The following SMARCC1 variants were observed in gnomAD, a reference collection of about 807,000 sequenced individuals.
The protein encoded by SMARCC1 is SWI/SNF related BAF chromatin remodeling complex subunit C1.
A neutral mutation model predicts 147.4 loss-of-function variants in SMARCC1; 43 were observed. The ratio of observed to expected loss-of-function variants is 0.29; its 90% CI spans 0.23 to 0.38. The LOEUF (loss-of-function observed/expected upper bound fraction) is 0.38. SMARCC1 is among the 10% of genes least tolerant of loss of function. The pLI is 1.00. For synonymous variants in SMARCC1, 495 were observed against 484.4 expected, an observed-to-expected ratio of 1.02 and a Z score of -0.29; for missense variants, 1,119 against 1,381.1, an observed-to-expected ratio of 0.81 and a Z score of 3.01.
intron 13 of SMARCC1, among the ~76,000 whole-genome samples, chr3:47,687,814 G>A (rs989159699): frequency 6.6e-6 from 1 of 152,206 alleles, no homozygotes; most frequent in Non-Finnish European, 1.5e-5. Flanking sequence ...CCAGGCTAGA[G>A]CACAGTGGCA....
chr3:47,635,431 G>T, intron 23 of SMARCC1, 87 bp from the exon 24 acceptor site: 2 of 1,124,760 alleles, frequency 1.8e-6, no homozygotes, highest in East Asian at 2.3e-5. Flanking sequence ...AACAAACTAG[G>T]ACTGATATGA....
At chr3:47,627,393 C>A (rs2032824906) in intron 24 of SMARCC1, among the ~76,000 whole-genome samples, 1 of 151,886 alleles carries the variant, frequency 6.6e-6, no homozygotes, top group Admixed American at 6.6e-5. Context: ...TGGAAAAATT[C>A]TTTTTCTATT....
At chr3:47,771,384 GAT>G (rs2034912633) in intron 2 of SMARCC1, among the ~76,000 whole-genome samples, 1 of 152,172 alleles carries the variant, frequency 6.6e-6, no homozygotes, top group Admixed American at 6.6e-5. Context: ...TATGAGGAAA[GAT>G]ATGACAGACA....
intron 3 of SMARCC1, 65 bp from the exon 4 acceptor site, chr3:47,738,175 T>C (rs897355443): frequency 1.8e-6 from 2 of 1,086,266 alleles, no homozygotes; most frequent in Non-Finnish European, 2.7e-6. Context: ...AAACTTGGTT[T>C]TAGAATTCGA....
At chr3:47,774,236 CTTTTT>C (rs35831016) in intron 1 of SMARCC1, among the ~76,000 whole-genome samples, 2 of 113,412 alleles carry the variant, frequency 1.8e-5, no homozygotes, top group African/African-American at 3.6e-5. Flanking sequence ...CAATCATTTA[CTTTTT>C]TTTTTTTTTT....
chr3:47,691,309 A>G (rs1377269808), intron 12 of SMARCC1, among the ~76,000 whole-genome samples: 1 of 152,196 alleles, frequency 6.6e-6, no homozygotes, highest in African/African-American at 2.4e-5. Flanking sequence ...GGCAGAATAT[A>G]GAGCAGTTAA....
rs139009345 is a variant in SMARCC1, at chr3:47,748,026, C to T, written c.316-2033G>A. 8.7e-3 allele frequency among the ~76,000 whole-genome samples: 1,329 copies of T among 151,960 alleles called. 22 individuals are homozygous for T. The highest frequency in any genetic ancestry group is 0.029 in the African/African-American group (1,187 of 41,488). ...TACAAAAATTAGCCAGGCATGGTGG[C>T]GGGCGCATGTAATCCCAGCTACTCG... On this transcript the variant is annotated intron_variant, in intron 2 of 27. Coordinates refer to ENST00000254480, the MANE Select transcript of SMARCC1 (RefSeq NM_003074.4).
Position 47,586,364 on chromosome 3 carries a change from G to A in SMARCC1, c.*1845C>T, listed in dbSNP as rs1012948547. ...GGAAGTAGGTAAAACCCTGGCCATT[G>A]TCAAAAGGCACTGGGGTCTTTCTGG... is the stretch of plus-strand genomic sequence containing the variant. On this transcript the variant is annotated 3_prime_UTR_variant, in exon 28 of 28. Coordinates refer to ENST00000254480, the MANE Select transcript of SMARCC1 (RefSeq NM_003074.4). 1 of 152,210 alleles carries A rather than the reference G, an allele frequency of 6.6e-6. No homozygotes were observed. The highest frequency in any genetic ancestry group is 1.5e-5 in the Non-Finnish European group (1 of 68,030). The allele number at this position is 152,210 out of a possible 1,614,324, so 9.4% of individuals were successfully genotyped here. A position where few individuals can be genotyped will look rare whatever the true frequency, so the allele number is the denominator to read the frequency against.
In SMARCC1 at chr3:47,587,069, G is replaced by C. The variant is rs867751167; in HGVS notation, c.*1140C>G. 6.6e-6 allele frequency: 1 copy of C among 152,544 alleles called. No individual in the cohort carries two copies. Among genetic ancestry groups the C allele is most frequent in the Admixed American group, 6.5e-5 (1 of 15,276 alleles). 9.4% of individuals were successfully genotyped at this position (152,544 alleles called of 1,614,324 possible). A position where few individuals can be genotyped will look rare whatever the true frequency, so the allele number is the denominator to read the frequency against. ...CAGAAATGGAAGGGAGAAGGTATAA[G>C]GAGCTAATATCCTGCTTCACTTTTC... On this transcript the variant is annotated 3_prime_UTR_variant, in exon 28 of 28. Coordinates refer to ENST00000254480, the MANE Select transcript of SMARCC1 (RefSeq NM_003074.4).
intron 2 of SMARCC1, among the ~76,000 whole-genome samples, chr3:47,755,534 G>A (rs1042214573): frequency 6.8e-6 from 1 of 146,980 alleles, no homozygotes; most frequent in African/African-American, 2.5e-5. Flanking sequence ...AATAAAAAGC[G>A]AATTTAAAAA....
At chr3:47,776,925 TCAC>T (rs2034981425) in intron 1 of SMARCC1, among the ~76,000 whole-genome samples, 1 of 151,830 alleles carries the variant, frequency 6.6e-6, no homozygotes, top group African/African-American at 2.4e-5. Context: ...CAGGCATGCG[TCAC>T]CACATCTGGC....
rs775759680 is a variant in SMARCC1 at position 47,671,173 on chromosome 3, C to CAAAAAA, written c.1840-462_1840-457dup. 3.8e-4 allele frequency among the ~76,000 whole-genome samples: 11 copies of CAAAAAA among 29,228 alleles called. 1 individual carries two copies. Among genetic ancestry groups the CAAAAAA allele is most frequent in the African/African-American group, 8.2e-4 (5 of 6,082 alleles). 19.2% of individuals were successfully genotyped at this position (29,228 alleles called of 152,430 possible). On this transcript the variant is annotated intron_variant, in intron 18 of 27. Coordinates refer to ENST00000254480, the MANE Select transcript of SMARCC1 (RefSeq NM_003074.4). ...CCTGGGCAACAGAGCGAGACTATCT[C>CAAAAAA]AAAAAAAAAAAAAAAAAAAAAAAAA... is the stretch of plus-strand genomic sequence containing the variant.
chr3:47,621,208 G>T (rs1462857621), intron 25 of SMARCC1, among the ~76,000 whole-genome samples: 1 of 151,884 alleles, frequency 6.6e-6, no homozygotes, highest in Non-Finnish European at 1.5e-5. Context: ...GCTGAGGCAG[G>T]GGCATCGCTT....
rs1559624919 is a variant in SMARCC1, at chr3:47,610,110, G to C, written c.2999C>G (p.Pro1000Arg). Reference protein sequence around the residue: ...MMPHQQPPPYPLMHHQMPPPH... With the variant: ...MMPHQQPPPYRLMHHQMPPPH... The stretch of plus-strand genomic sequence containing the variant: ...TGGTGGCATCTGGTGGTGCATCAGA[G>C]GGTAGGGAGGGGGCTGTTGATGAGG... The change falls in exon 26 of 28, where the codon CCT becomes CGT. Residue 1000 changes from proline to arginine, a missense_variant. Around this residue, in one of 6 missense-constraint regions of SMARCC1, gnomAD observed 186 missense variants for 216.5 expected, o/e 0.86. Transcript: ENST00000254480. The C allele has an allele frequency of 7.4e-6, 12 of 1,613,290 alleles. No homozygotes were observed. The highest frequency in any genetic ancestry group is 9.3e-6 in the Non-Finnish European group (11 of 1,180,032).
intron 12 of SMARCC1, among the ~76,000 whole-genome samples, chr3:47,692,024 T>C (rs950530528): frequency 2.0e-5 from 3 of 152,162 alleles, no homozygotes; most frequent in Non-Finnish European, 4.4e-5. Flanking sequence ...CTGCAATTTA[T>C]TCAAATACAG....
At chr3:47,670,332 G>C (rs998019962) in intron 19 of SMARCC1, 2 of 312,678 alleles carry the variant, frequency 6.4e-6, no homozygotes, top group Admixed American at 9.7e-5. Flanking sequence ...AGTGGTTCAT[G>C]CCAGAACTTT....
chr3:47,638,856 G>T, intron 21 of SMARCC1, 76 bp from the exon 22 acceptor site: 2 of 993,230 alleles, frequency 2.0e-6, no homozygotes, highest in African/African-American at 1.6e-5. Flanking sequence ...CTGTGAGAGT[G>T]TCTGAAATAC....
At chr3:47,613,772 G>A (rs2032598424) in intron 25 of SMARCC1, among the ~76,000 whole-genome samples, 1 of 152,138 alleles carries the variant, frequency 6.6e-6, no homozygotes, top group Non-Finnish European at 1.5e-5. Flanking sequence ...CTGCTCTGAA[G>A]ACACATCCTG....
chr3:47,781,837 C>G lies in SMARCC1; in HGVS notation c.-40G>C, dbSNP rs1209092577. The G allele has an allele frequency of 7.8e-7, 1 of 1,285,674 alleles. No individual in the cohort carries two copies. 79.6% of individuals were successfully genotyped at this position (1,285,674 alleles called of 1,614,324 possible). A position where few individuals can be genotyped will look rare whatever the true frequency, so the allele number is the denominator to read the frequency against. On this transcript the variant is annotated 5_prime_UTR_variant, in exon 1 of 28. Transcript: ENST00000254480. ...GTCCCCACAGCCTGGCCCACCCCGG[C>G]CCTCGCGGTGTTTCCCGGTCGTTCC...
Sources: allele counts gnomAD v4.1 joint callset (sites outside exome capture counted in the v4.1 genomes callset), GRCh38; gene constraint gnomAD v4.1.1; regional missense constraint gnomAD v4.1.1; transcripts MANE v1.5; gene names NCBI Gene and HGNC (gene_info 2026-07-23, HGNC 2026-07-21).